The following CNTRL variants were observed in gnomAD, a reference collection of about 807,000 sequenced individuals.
CNTRL encodes 110 kDa centrosomal protein.
Under a neutral mutation model 303.7 loss-of-function variants are expected in CNTRL, and 233 were observed. The ratio of observed to expected loss-of-function variants is 0.77; its 90% CI spans 0.69 to 0.86. The LOEUF (loss-of-function observed/expected upper bound fraction) is 0.86, where lower values mean the gene tolerates loss of function less well. Among genes scored for constraint, CNTRL ranks in the 40% least tolerant of loss-of-function variants. The probability of loss-of-function intolerance (pLI) is 0.00; values close to 1 mark genes in which losing one functional copy is unlikely to be tolerated. For missense variants in CNTRL, 2,524 were observed against 2,650.6 expected (o/e 0.95, Z 1.05); for synonymous variants, 900 against 922.2 (o/e 0.98, Z 0.44).
intron 7 of CNTRL, among the ~76,000 whole-genome samples, chr9:121,106,216 G>A (rs1288511458): frequency 6.6e-6 from 1 of 151,696 alleles, no homozygotes; most frequent in Non-Finnish European, 1.5e-5. Flanking sequence ...TTGGGCGCCT[G>A]TAATCTCAGC....
rs1177550288 is a variant in CNTRL, at chr9:121,100,796, A to G, written c.808+2224A>G. On this transcript the variant is annotated intron_variant, in intron 7 of 43. Transcript: ENST00000373855. ...TAAAACAGACTTTAAACCAACAAAGATCAAAAGAGACAAAGAAGGCCATTA... is the reference window on the plus strand; with the variant it reads ...TAAAACAGACTTTAAACCAACAAAGGTCAAAAGAGACAAAGAAGGCCATTA... 2.0e-5 allele frequency among the ~76,000 whole-genome samples: 3 copies of G among 152,064 alleles called. No homozygotes were observed. The East Asian group carries it at 5.8e-4, about 29-fold the overall frequency.
At chr9:121,114,977 C>A in intron 10 of CNTRL, 114 bp from the exon 11 acceptor site, 1 of 578,888 alleles carries the variant, frequency 1.7e-6, no homozygotes, top group Admixed American at 3.5e-5. Flanking sequence ...GATATAATGA[C>A]AGTTTAATAG....
Position 121,175,054 on chromosome 9 carries a change from G to GT in CNTRL, c.6785dup (p.Leu2263IlefsTer3). On this transcript the variant is annotated frameshift_variant, in exon 43 of 44. Coordinates refer to ENST00000373855, the MANE Select transcript of CNTRL (RefSeq NM_007018.6). LOFTEE classifies it high-confidence loss of function. ...ACACTGTATGTCCAAGCAAGCAGAA[G>GT]TATTAATTAAAGGAAAGCGGCAGAC... The GT allele has an allele frequency of 6.2e-7, 1 of 1,613,822 alleles. No homozygotes were observed. Among genetic ancestry groups the GT allele is most frequent in the South Asian group, 1.1e-5 (1 of 91,078 alleles).
intron 14 of CNTRL, among the ~76,000 whole-genome samples, chr9:121,133,550 G>A (rs530822755): frequency 6.6e-6 from 1 of 152,332 alleles, no homozygotes; most frequent in African/African-American, 2.4e-5. Context: ...ACTGTCTTCT[G>A]TGAATGTACG....
At position 121,118,502 on chromosome 9, in the gene CNTRL, A is replaced by G. The variant is rs754029650; in HGVS notation, c.1612A>G (p.Ile538Val). The G allele has an allele frequency of 3.7e-6, 6 of 1,602,054 alleles. No individual in the cohort carries two copies. The highest frequency in any genetic ancestry group is 1.7e-5 in the Admixed American group (1 of 57,496). The change falls in exon 12 of 44, where the codon ATA becomes GTA. Residue 538 changes from isoleucine to valine, a missense_variant. Coordinates refer to ENST00000373855, the MANE Select transcript of CNTRL (RefSeq NM_007018.6). Reference protein sequence around the residue: ...GKQKEIKDLQIAIDSLDSKDP... With the variant: ...GKQKEIKDLQVAIDSLDSKDP... ...GCAGAAGGAGATTAAGGACCTGCAA[A>G]TAGCCATAGATAGCCTGGATTCCAA...
intron 1 of CNTRL, among the ~76,000 whole-genome samples, chr9:121,078,711 C>G (rs982785240): frequency 2.1e-4 from 32 of 152,352 alleles, no homozygotes; most frequent in African/African-American, 7.5e-4. Context: ...AGAGTTCCCA[C>G]AACTCCCTCC....
At chr9:121,116,904 G>A (rs1044831293) in intron 11 of CNTRL, among the ~76,000 whole-genome samples, 7 of 152,132 alleles carry the variant, frequency 4.6e-5, no homozygotes, top group Admixed American at 2.6e-4. Context: ...AGGAGATGAG[G>A]TAGAGGGAGC....
At chr9:121,147,949 G>A (rs2051979385) in intron 23 of CNTRL, among the ~76,000 whole-genome samples, 1 of 152,236 alleles carries the variant, frequency 6.6e-6, no homozygotes, top group South Asian at 2.1e-4. Flanking sequence ...GAGGGTAGCA[G>A]AGTAGAGCTT....
intron 23 of CNTRL, among the ~76,000 whole-genome samples, chr9:121,146,889 C>T (rs374759981): frequency 7.9e-5 from 12 of 152,200 alleles, no homozygotes; most frequent in African/African-American, 2.2e-4. Flanking sequence ...GGAAACAGCT[C>T]GTATGGAAGA....
At chr9:121,086,941 C>T (rs1399685724) in intron 2 of CNTRL, among the ~76,000 whole-genome samples, 1 of 152,122 alleles carries the variant, frequency 6.6e-6, no homozygotes, top group East Asian at 1.9e-4. Context: ...GCATGAGCCA[C>T]CGCTCCTGGA....
chr9:121,140,614 T>A, intron 16 of CNTRL, 27 bp from the exon 17 acceptor site: 2 of 1,586,730 alleles, frequency 1.3e-6, no homozygotes, highest in Non-Finnish European at 1.7e-6. Context: ...ATGTAATAGA[T>A]AATCCCTATT....
intron 3 of CNTRL, among the ~76,000 whole-genome samples, chr9:121,089,170 T>C (rs2048461978): frequency 6.6e-6 from 1 of 152,262 alleles, no homozygotes; most frequent in Non-Finnish European, 1.5e-5. Context: ...ACACTGAGTT[T>C]ATACTATATC....
chr9:121,154,462 T>C (rs189786621), intron 26 of CNTRL, among the ~76,000 whole-genome samples: 83 of 152,362 alleles, frequency 5.4e-4, no homozygotes, highest in African/African-American at 1.8e-3. Flanking sequence ...GACAACACAA[T>C]AATCTTTGTT....
At chr9:121,095,942 G>C (rs1011081279) in intron 5 of CNTRL, among the ~76,000 whole-genome samples, 1 of 152,190 alleles carries the variant, frequency 6.6e-6, no homozygotes, top group Admixed American at 6.5e-5. Flanking sequence ...AAAAGTTCTG[G>C]TTAAATTACT....
At chr9:121,119,969 A>G (rs2133347267) in intron 12 of CNTRL, among the ~76,000 whole-genome samples, 1 of 152,304 alleles carries the variant, frequency 6.6e-6, no homozygotes, top group South Asian at 2.1e-4. Flanking sequence ...AGATATGGCT[A>G]GATATGGTCA....
At chr9:121,167,170 G>A (rs992581154) in intron 36 of CNTRL, among the ~76,000 whole-genome samples, 1 of 152,114 alleles carries the variant, frequency 6.6e-6, no homozygotes, top group African/African-American at 2.4e-5. Context: ...AATTAGCTGG[G>A]TATGGTGGCA....
chr9:121,091,500 ATAAGAC>A, intron 4 of CNTRL, among the ~76,000 whole-genome samples: 2 of 152,224 alleles, frequency 1.3e-5, no homozygotes, highest in African/African-American at 4.8e-5. Flanking sequence ...TTTAGCCTGC[ATAAGAC>A]TTAAACATTG....
chr9:121,176,663 G>A (rs1186398678), intron 43 of CNTRL, among the ~76,000 whole-genome samples: 3 of 152,230 alleles, frequency 2.0e-5, no homozygotes, highest in Non-Finnish European at 4.4e-5. Flanking sequence ...AACGCACAGT[G>A]GGTAGGGGCG....
intron 23 of CNTRL, 35 bp downstream of exon 23, chr9:121,146,291 A>C: frequency 6.4e-7 from 1 of 1,573,996 alleles, no homozygotes; most frequent in Non-Finnish European, 8.6e-7. Flanking sequence ...TGTATACTGA[A>C]TTTTCTTGAA....
Sources: gnomAD v4.1 joint callset for allele counts (sites outside exome capture counted in the v4.1 genomes callset) on GRCh38, gnomAD v4.1.1 for gene constraint, MANE v1.5 for transcripts, NCBI Gene and HGNC (gene_info 2026-07-23, HGNC 2026-07-21) for gene names.